NACC2: variants seen among roughly 807,000 people sequenced by gnomAD.
NACC2 encodes NACC family member 2.
A neutral mutation model predicts 25.1 loss-of-function variants in NACC2; 8 were observed. That is an observed-to-expected ratio of 0.32 (90% CI 0.19 to 0.57). NACC2 has a LOEUF of 0.57. NACC2 is among the 20% of genes least tolerant of loss of function. NACC2 has a pLI of 0.89. For synonymous variants in NACC2, 435 were observed against 294.7 expected (o/e 1.48, Z -4.88); for missense variants, 644 against 650.2 (o/e 0.99, Z 0.10).
intron 1 of NACC2, among the ~76,000 whole-genome samples, chr9:136,071,713 T>C (rs917565537): frequency 2.6e-5 from 4 of 152,118 alleles, no homozygotes; most frequent in Non-Finnish European, 5.9e-5. Flanking sequence ...TTATAAACTA[T>C]AGTGATCAAG....
At chr9:136,039,251 G>A (rs1192342734) in intron 2 of NACC2, among the ~76,000 whole-genome samples, 2 of 152,196 alleles carry the variant, frequency 1.3e-5, no homozygotes, top group African/African-American at 4.8e-5. Context: ...AGATGAAAGA[G>A]AAAATCCTAA....
chr9:136,040,624 A>C (rs1840613959), intron 2 of NACC2, among the ~76,000 whole-genome samples: 1 of 152,224 alleles, frequency 6.6e-6, no homozygotes, highest in Non-Finnish European at 1.5e-5. Context: ...TACTGAACTG[A>C]TAAATAAAAT....
At chr9:136,079,624 A>G (rs1331235810) in intron 1 of NACC2, among the ~76,000 whole-genome samples, 1 of 152,212 alleles carries the variant, frequency 6.6e-6, no homozygotes, top group East Asian at 1.9e-4. Flanking sequence ...AAGAGAGGCC[A>G]GAGGCCCCCC....
chr9:136,029,790 C>G (rs781064745), intron 2 of NACC2, among the ~76,000 whole-genome samples: 2 of 152,222 alleles, frequency 1.3e-5, no homozygotes, highest in Non-Finnish European at 1.5e-5. Flanking sequence ...GCCAGTGTGC[C>G]TGGCTGTGCA....
At chr9:136,034,376 GA>G (rs1840521264) in intron 2 of NACC2, among the ~76,000 whole-genome samples, 1 of 151,874 alleles carries the variant, frequency 6.6e-6, no homozygotes, top group African/African-American at 2.4e-5. Flanking sequence ...AATAGGAAGA[GA>G]AAAAGAAAAA....
At chr9:136,093,295 A>G (rs1717455) in intron 1 of NACC2, among the ~76,000 whole-genome samples, 28,783 of 152,238 alleles carry the variant, frequency 0.19, 5,479 homozygotes, top group African/African-American at 0.5. Flanking sequence ...ATGCAGCCTC[A>G]TGCTTTAATT....
chr9:136,090,971 G>A (rs916863964), intron 1 of NACC2, among the ~76,000 whole-genome samples: 4 of 152,192 alleles, frequency 2.6e-5, no homozygotes, highest in East Asian at 1.9e-4. Context: ...GGAGCTGGGC[G>A]GGCCCAGGAG....
intron 1 of NACC2, among the ~76,000 whole-genome samples, chr9:136,077,685 C>A (rs1427677000): frequency 6.6e-6 from 1 of 152,170 alleles, no homozygotes; most frequent in Non-Finnish European, 1.5e-5. Context: ...CAGGGGGCAG[C>A]TGTGTGGTCA....
At chr9:136,049,142 G>A (rs1840774796) in intron 2 of NACC2, among the ~76,000 whole-genome samples, 2 of 152,256 alleles carry the variant, frequency 1.3e-5, no homozygotes, top group Admixed American at 1.3e-4. Flanking sequence ...ACGGAGAGGA[G>A]GGGGAGCGAC....
intron 1 of NACC2, among the ~76,000 whole-genome samples, chr9:136,063,874 ACTC>A (rs1564236101): frequency 7.4e-6 from 1 of 135,212 alleles, no homozygotes; most frequent in Non-Finnish European, 1.6e-5. Context: ...ACAGAGCGAG[ACTC>A]CATCTCAAAA....
At chr9:136,057,995 CATAA>C (rs1178088859) in intron 1 of NACC2, among the ~76,000 whole-genome samples, 2 of 152,074 alleles carry the variant, frequency 1.3e-5, no homozygotes, top group Non-Finnish European at 2.9e-5. Flanking sequence ...CATATCATGC[CATAA>C]ATAGTGAGGC....
chr9:136,094,054 A>C (rs1314408281), intron 1 of NACC2, among the ~76,000 whole-genome samples: 3 of 152,184 alleles, frequency 2.0e-5, no homozygotes, highest in Non-Finnish European at 4.4e-5. Context: ...GGGAACACCA[A>C]GGTGCACGCG....
At position 136,022,345 on chromosome 9, in the gene NACC2, G is replaced by A. The variant is rs187205938; in HGVS notation, c.887-5916C>T. Among the ~76,000 whole-genome samples the A allele has an allele frequency of 6.6e-6, 1 of 152,316 alleles. No homozygotes were observed. Among genetic ancestry groups the A allele is most frequent in the Admixed American group, 6.5e-5 (1 of 15,306 alleles). ...ATGGGGCTGTGTCCCACCCCCGAAA[G>A]CACACAGGTGTGGACTCAACACCCT... On this transcript the variant is annotated intron_variant, in intron 2 of 5. Transcript: ENST00000277554. This position sits in a 1 kb window ranked among gnomAD's most constrained non-coding sequence, Gnocchi z 4.4.
intron 1 of NACC2, among the ~76,000 whole-genome samples, chr9:136,052,244 A>C (rs1022200712): frequency 6.6e-6 from 1 of 152,184 alleles, no homozygotes; most frequent in Non-Finnish European, 1.5e-5. Flanking sequence ...TAGTGGAGAA[A>C]TGCTTCCCGG....
chr9:136,015,023 C>A (rs565557123), intron 3 of NACC2, among the ~76,000 whole-genome samples: 2 of 152,132 alleles, frequency 1.3e-5, no homozygotes, highest in Non-Finnish European at 2.9e-5. Flanking sequence ...CTTCCAGGAG[C>A]CTGTGAGTGC....
At chr9:136,085,533 A>G (rs1830370389) in intron 1 of NACC2, among the ~76,000 whole-genome samples, 1 of 152,092 alleles carries the variant, frequency 6.6e-6, no homozygotes. Flanking sequence ...ATTAAATTTA[A>G]AGAGACTCAA....
intron 2 of NACC2, among the ~76,000 whole-genome samples, chr9:136,021,135 G>A (rs1000097752): frequency 6.6e-6 from 1 of 152,162 alleles, no homozygotes; most frequent in Non-Finnish European, 1.5e-5. Context: ...TCACATATCT[G>A]ACAAAGGACT....
At position 136,011,742 on chromosome 9, in the gene NACC2, G is replaced by A. The variant is rs761280512; in HGVS notation, c.1538C>T (p.Ala513Val). 5 of 1,538,700 alleles carry A rather than the reference G, an allele frequency of 3.2e-6. No homozygotes were observed. Among genetic ancestry groups the A allele is most frequent in the East Asian group, 2.4e-5 (1 of 41,926 alleles). The change falls in exon 6 of 6, where the codon GCC (alanine) becomes GTC (valine). Residue 513 changes from alanine to valine, a missense_variant. Coordinates refer to ENST00000277554, the MANE Select transcript of NACC2 (RefSeq NM_144653.5). ...AATIVALRTD[A>V]VNVDLSAAAN... ...GGCGGCACTCAGGTCAACATTCACGGCGTCAGTTCTCAGAGCCACGATGGT... is the reference window on the plus strand; with the variant it reads ...GGCGGCACTCAGGTCAACATTCACGACGTCAGTTCTCAGAGCCACGATGGT...
chr9:136,051,083 C>A (rs926188288), intron 1 of NACC2, among the ~76,000 whole-genome samples: 33 of 152,180 alleles, frequency 2.2e-4, no homozygotes, highest in African/African-American at 8.0e-4. Context: ...GGTTTGCTTT[C>A]CCTCTCTTCC....
Sources: allele counts gnomAD v4.1 joint callset (sites outside exome capture counted in the v4.1 genomes callset), GRCh38; gene constraint gnomAD v4.1.1; non-coding constraint Gnocchi (gnomAD v3.1); transcripts MANE v1.5; gene names NCBI Gene and HGNC (gene_info 2026-07-23, HGNC 2026-07-21).